Variants in HSD17B12 observed in about 807,000 individuals in gnomAD.
HSD17B12 encodes very-long-chain 3-oxoacyl-CoA reductase.
In HSD17B12, 32 loss-of-function variants were observed where a neutral mutation model predicts 39.3. The observed-to-expected ratio is 0.81, with a 90% CI of 0.61 to 1.09. The LOEUF (loss-of-function observed/expected upper bound fraction) is 1.09. HSD17B12 is among the 50% of genes least tolerant of loss of function. The probability of loss-of-function intolerance (pLI) is 0.00; values close to 1 mark genes in which losing one functional copy is unlikely to be tolerated. For synonymous variants in HSD17B12, 150 were observed against 146.7 expected (o/e 1.02, Z -0.16); for missense variants, 342 against 382.9 (o/e 0.89, Z 0.89).
Position 43,856,118 on chromosome 11 carries a change from A to T in HSD17B12, c.*870A>T, listed in dbSNP as rs1413527453. 1 of 152,282 alleles carries T rather than the reference A, an allele frequency of 6.6e-6. No individual in the cohort carries two copies. Among genetic ancestry groups the T allele is most frequent in the African/African-American group, 2.4e-5 (1 of 41,442 alleles). The allele number at this position is 152,282 out of a possible 1,614,324, so 9.4% of individuals were successfully genotyped here. ...AAAGTAATGACTTCATAGAAATGGC[A>T]TTATAATTTTTAAGTTGATACTCTA... On this transcript the variant is annotated 3_prime_UTR_variant, in exon 11 of 11. Transcript: ENST00000278353.
At chr11:43,826,952 T>C (rs958555339) in intron 6 of HSD17B12, among the ~76,000 whole-genome samples, 16 of 152,370 alleles carry the variant, frequency 1.1e-4, no homozygotes, top group African/African-American at 3.6e-4. Context: ...TGAAAAATTA[T>C]TGTTAATGAT....
chr11:43,590,111 G>A, the HSD17B12 span, among the ~76,000 whole-genome samples: 1 of 152,060 alleles, frequency 6.6e-6, no homozygotes, highest in African/African-American at 2.4e-5. Context: ...GAATAAGGAA[G>A]GAGAAAAGTG....
the HSD17B12 span, among the ~76,000 whole-genome samples, chr11:43,643,120 A>G: frequency 0.91 from 138,132 of 152,106 alleles, 63,588 homozygotes; most frequent in Non-Finnish European, 0.98. Context: ...TTATATTTGG[A>G]TGTGAGAAAA....
In HSD17B12 at chr11:43,765,378, G is replaced by A. The variant is rs539685827; in HGVS notation, c.283+11257G>A. ...TTCTGGCTTGCATTGTTTCTGATAAGAAGTCAGCTGTTATTCTTACCATTT... is the reference window on the plus strand; with the variant it reads ...TTCTGGCTTGCATTGTTTCTGATAAAAAGTCAGCTGTTATTCTTACCATTT... On this transcript the variant is annotated intron_variant, in intron 3 of 10. Coordinates refer to ENST00000278353, the MANE Select transcript of HSD17B12 (RefSeq NM_016142.3). Among the ~76,000 whole-genome samples the A allele has an allele frequency of 1.9e-4, 29 of 152,038 alleles. No individual in the cohort carries two copies. The South Asian group carries it at 5.4e-3, about 28-fold the overall frequency.
intron 3 of HSD17B12, among the ~76,000 whole-genome samples, chr11:43,766,292 C>T (rs1437674904): frequency 6.6e-6 from 1 of 152,196 alleles, no homozygotes; most frequent in African/African-American, 2.4e-5. Flanking sequence ...CTCTTCTCCT[C>T]ATAATGGTCT....
intron 3 of HSD17B12, among the ~76,000 whole-genome samples, chr11:43,768,960 A>G (rs1481398826): frequency 2.0e-5 from 3 of 152,148 alleles, no homozygotes; most frequent in Non-Finnish European, 4.4e-5. Context: ...TACATTTACA[A>G]TCCTCTAGCT....
chr11:43,700,765 T>C (rs1405974837), intron 1 of HSD17B12, among the ~76,000 whole-genome samples: 1 of 152,238 alleles, frequency 6.6e-6, no homozygotes, highest in Non-Finnish European at 1.5e-5. Context: ...TTCCAAATCT[T>C]AGCTATTGTA....
the HSD17B12 span, among the ~76,000 whole-genome samples, chr11:43,613,729 T>G: frequency 6.6e-6 from 1 of 152,000 alleles, no homozygotes; most frequent in Non-Finnish European, 1.5e-5. Context: ...TTCAATGGCG[T>G]GATCTTAGCT....
At chr11:43,838,271 C>T (rs780175036) in intron 7 of HSD17B12, 46 bp from the exon 8 acceptor site, 2 of 1,221,638 alleles carry the variant, frequency 1.6e-6, no homozygotes, top group Non-Finnish European at 2.4e-6. Flanking sequence ...CAAACAACTG[C>T]ATACTGTGGC....
chr11:43,576,050 G>GC, the HSD17B12 span, among the ~76,000 whole-genome samples: 12 of 152,106 alleles, frequency 7.9e-5, no homozygotes, highest in South Asian at 4.2e-4. Context: ...AAGGGGCTAT[G>GC]CCCCCCCACC....
chr11:43,775,904 C>A (rs544121473), intron 3 of HSD17B12, among the ~76,000 whole-genome samples: 46 of 151,804 alleles, frequency 3.0e-4, no homozygotes, highest in Non-Finnish European at 5.6e-4. Flanking sequence ...TGATGATTTC[C>A]AATTTCATCC....
the HSD17B12 span, chr11:43,641,115 C>T: frequency 6.6e-6 from 1 of 151,846 alleles, no homozygotes; most frequent in Non-Finnish European, 1.5e-5. Flanking sequence ...TGTACTAAAA[C>T]TTTGCTTATC....
chr11:43,799,349 T>A (rs910133393), intron 4 of HSD17B12, among the ~76,000 whole-genome samples: 6 of 152,038 alleles, frequency 3.9e-5, no homozygotes, highest in Admixed American at 3.9e-4. Context: ...AAAGATTGAG[T>A]GGTTCAGCTG....
At chr11:43,588,707 T>C in the HSD17B12 span, among the ~76,000 whole-genome samples, 5 of 151,170 alleles carry the variant, frequency 3.3e-5, no homozygotes, top group African/African-American at 1.2e-4. Flanking sequence ...TAAGCAGCTA[T>C]AGGACCAGAG....
chr11:43,803,999 A>G (rs1297981471), intron 4 of HSD17B12, among the ~76,000 whole-genome samples: 3 of 152,154 alleles, frequency 2.0e-5, no homozygotes, highest in Non-Finnish European at 4.4e-5. Context: ...AGGACTTTGC[A>G]CAATACAACT....
chr11:43,688,105 G>A (rs1315470828), intron 1 of HSD17B12, among the ~76,000 whole-genome samples: 1 of 152,072 alleles, frequency 6.6e-6, no homozygotes, highest in Non-Finnish European at 1.5e-5. Context: ...CCCGCTACTC[G>A]GGAGGCTGAG....
At chr11:43,664,269 A>G in the HSD17B12 span, among the ~76,000 whole-genome samples, 1 of 152,186 alleles carries the variant, frequency 6.6e-6, no homozygotes, top group Non-Finnish European at 1.5e-5. Flanking sequence ...AGGCTTACAG[A>G]CCATATGTAG....
chr11:43,588,978 T>TTTATTATTA, the HSD17B12 span, among the ~76,000 whole-genome samples: 1 of 148,610 alleles, frequency 6.7e-6, no homozygotes, highest in African/African-American at 2.5e-5. Context: ...TCTTTTTGCC[T>TTTATTATTA]TTATTATTAT....
chr11:43,783,830 A>C (rs1372619863), intron 3 of HSD17B12, among the ~76,000 whole-genome samples: 1 of 152,198 alleles, frequency 6.6e-6, no homozygotes, highest in African/African-American at 2.4e-5. Flanking sequence ...AGAAACTTAA[A>C]AAATAATTAT....
Sources: allele counts gnomAD v4.1 joint callset (sites outside exome capture counted in the v4.1 genomes callset), GRCh38; gene constraint gnomAD v4.1.1; transcripts MANE v1.5; gene names NCBI Gene and HGNC (gene_info 2026-07-23, HGNC 2026-07-21).